The following STARD9 variants were observed in gnomAD, a reference collection of about 807,000 sequenced individuals.
STARD9 encodes the protein stAR-related lipid transfer protein 9.
In STARD9, 346 loss-of-function variants were observed where a neutral mutation model predicts 399.8. The observed-to-expected ratio is 0.87, with a 90% CI of 0.79 to 0.95. STARD9 has a LOEUF of 0.95. STARD9 is among the 40% of genes least tolerant of loss of function. STARD9 has a pLI of 0.00. For synonymous variants in STARD9, 2,203 were observed against 2,143.5 expected, an observed-to-expected ratio of 1.03 and a Z score of -0.77; for missense variants, 5,832 against 5,667.5, an observed-to-expected ratio of 1.03 and a Z score of -0.93.
intron 3 of STARD9, among the ~76,000 whole-genome samples, chr15:42,630,684 A>G (rs2059315821): frequency 6.6e-6 from 1 of 152,010 alleles, no homozygotes; most frequent in African/African-American, 2.4e-5. Flanking sequence ...GAATTTATCC[A>G]TTTCTTTCTA....
rs2059328392 is a variant in STARD9, at chr15:42,631,373, GGA to G, written c.235-3481_235-3480del. 2.6e-5 allele frequency among the ~76,000 whole-genome samples: 4 copies of G among 152,136 alleles called. No individual in the cohort carries two copies. In the South Asian group the frequency reaches 8.3e-4, roughly 32 times the overall value. On this transcript the variant is annotated intron_variant, in intron 3 of 32. Coordinates refer to ENST00000290607, the MANE Select transcript of STARD9 (RefSeq NM_020759.3). ...AAGTTGGGCAGACTGCCTGAGCTCAGGAGTTCAAGACCAGCCTGGGAAACATG... is the reference window on the plus strand; with the variant it reads ...AAGTTGGGCAGACTGCCTGAGCTCAGGTTCAAGACCAGCCTGGGAAACATG...
intron 7 of STARD9, among the ~76,000 whole-genome samples, chr15:42,640,196 A>G (rs1010451435): frequency 3.3e-5 from 5 of 152,086 alleles, no homozygotes; most frequent in African/African-American, 1.2e-4. Flanking sequence ...AGGATTATAG[A>G]TGTGAGCCAG....
intron 3 of STARD9, among the ~76,000 whole-genome samples, chr15:42,588,776 GTTTTTTTTTTTTTTTTTTTTTTT>G (rs758570571): frequency 2.0e-3 from 76 of 38,416 alleles, no homozygotes; most frequent in African/African-American, 7.8e-3. Flanking sequence ...TCTTCACAGC[GTTTTTTTTTTTTTTTTTTTTTTT>G]TTTTTTTTTT....
intron 1 of STARD9, chr15:42,581,465 G>A: frequency 6.5e-7 from 1 of 1,528,510 alleles, no homozygotes; most frequent in Non-Finnish European, 9.0e-7. Context: ...TGGGCTGGTG[G>A]CCGCTGCCAG....
chr15:42,636,407 C>A (rs1191257771), intron 4 of STARD9, among the ~76,000 whole-genome samples: 1 of 152,018 alleles, frequency 6.6e-6, no homozygotes, highest in Non-Finnish European at 1.5e-5. Flanking sequence ...ATGGTGAAAC[C>A]AAGTCTTTAC....
chr15:42,683,995 G>A (rs1243696361), intron 22 of STARD9, 121 bp from the exon 23 acceptor site: 1 of 1,096,622 alleles, frequency 9.1e-7, no homozygotes, highest in Non-Finnish European at 1.2e-6. Context: ...TACCTGGAGA[G>A]CTTTTCTCTG....
chr15:42,676,309 T>G (rs898142886), intron 20 of STARD9, among the ~76,000 whole-genome samples: 5 of 152,220 alleles, frequency 3.3e-5, no homozygotes, highest in Non-Finnish European at 7.3e-5. Flanking sequence ...ATCTTTGTTC[T>G]GAGCTTACCT....
intron 3 of STARD9, among the ~76,000 whole-genome samples, chr15:42,597,101 ATTTTG>A (rs1441997609): frequency 6.6e-6 from 1 of 151,884 alleles, no homozygotes; most frequent in Non-Finnish European, 1.5e-5. Context: ...GTGTATATAT[ATTTTG>A]TTTGTTTGAG....
At position 42,686,580 on chromosome 15, in the gene STARD9, T is replaced by TG; in HGVS notation, c.5004dup (p.Ser1669ValfsTer11). ...CACTACAGCCACCAAAGCAGACCAT[T>TG]GGTCCCAAGGCTGGGCTCCTCTCAG... On this transcript the variant is annotated frameshift_variant, in exon 23 of 33. Transcript: ENST00000290607. LOFTEE classifies it high-confidence loss of function. 6.5e-7 allele frequency: 1 copy of TG among 1,537,482 alleles called. No individual in the cohort carries two copies. The highest frequency in any genetic ancestry group is 8.7e-7 in the Non-Finnish European group (1 of 1,147,016).
intron 3 of STARD9, among the ~76,000 whole-genome samples, chr15:42,594,807 C>T (rs1420660058): frequency 6.6e-6 from 1 of 152,148 alleles, no homozygotes; most frequent in Non-Finnish European, 1.5e-5. Context: ...TTCTTTAGAT[C>T]TAACCTGTCC....
At chr15:42,604,029 G>C (rs1190368927) in intron 3 of STARD9, among the ~76,000 whole-genome samples, 1 of 152,166 alleles carries the variant, frequency 6.6e-6, no homozygotes, top group Admixed American at 6.5e-5. Flanking sequence ...GCAAGGAGGG[G>C]GTTTGTTTGG....
At chr15:42,585,046 A>G (rs188793210) in intron 2 of STARD9, among the ~76,000 whole-genome samples, 1 of 152,332 alleles carries the variant, frequency 6.6e-6, no homozygotes, top group East Asian at 1.9e-4. Flanking sequence ...AATTACCTTC[A>G]AGCTATGTTT....
chr15:42,651,015 G>A lies in STARD9; in HGVS notation c.560-1G>A, dbSNP rs774777731. The A allele has an allele frequency of 6.6e-7, 1 of 1,519,818 alleles. No homozygotes were observed. Among genetic ancestry groups the A allele is most frequent in the Non-Finnish European group, 8.8e-7 (1 of 1,135,650 alleles). 94.1% of individuals were successfully genotyped at this position (1,519,818 alleles called of 1,614,324 possible). The stretch of plus-strand genomic sequence containing the variant: ...TTTTTTCCGTTTCACAAATCCGATA[G>A]GTTTATCTCAACATGTAGTTACCAA... On this transcript the variant is annotated splice_acceptor_variant, in intron 7 of 32. Transcript: ENST00000290607. LOFTEE classifies it high-confidence loss of function.
chr15:42,677,699 A>C (rs1012518003), intron 20 of STARD9, among the ~76,000 whole-genome samples: 1 of 152,214 alleles, frequency 6.6e-6, no homozygotes, highest in Non-Finnish European at 1.5e-5. Flanking sequence ...GACCTTAGGC[A>C]AGTCAATGAA....
rs564152350 is a variant in STARD9, at chr15:42,682,413, C to T, written c.2375C>T (p.Thr792Met). The part of the protein sequence containing the change: ...LEAQKRLEKL[T>M]TLCWLQDDST... ...GCCCAGAAGAGACTGGAGAAGCTCA[C>T]GACATTGTGCTGGCTCCAGGATGAC... Residue 792 changes from threonine (T) to methionine (M), a missense_variant, in exon 22 of 33, where the codon ACG becomes ATG. This residue lies in a region of STARD9 where 5,828 missense variants were observed against 5,651.1 expected (regional missense o/e 1.03). Transcript: ENST00000290607. The T allele has an allele frequency of 8.0e-4, 1,226 of 1,537,194 alleles. 13 individuals are homozygous for T. The South Asian group carries it at 0.013, about 16-fold the overall frequency.
In STARD9 at chr15:42,690,552, C is replaced by T; in HGVS notation, c.8974C>T (p.His2992Tyr). The change falls in exon 23 of 33, where the codon CAT (histidine) becomes TAT (tyrosine). Residue 2992 changes from histidine (H) to tyrosine (Y), a missense_variant. This residue lies in a region of STARD9 where 5,828 missense variants were observed against 5,651.1 expected (regional missense o/e 1.03). Transcript: ENST00000290607. ...LGKEPFKAAP[H>Y]TIHPPCVVPS... Reference sequence around the variant, plus strand: ...GAAGGAGCCTTTCAAGGCTGCCCCACATACTATCCACCCACCCTGTGTAGT... The same window carrying T: ...GAAGGAGCCTTTCAAGGCTGCCCCATATACTATCCACCCACCCTGTGTAGT... 6.5e-7 allele frequency: 1 copy of T among 1,537,194 alleles called. No homozygotes were observed.
At position 42,662,908 on chromosome 15, in the gene STARD9, A is replaced by G. The variant is rs1447472502; in HGVS notation, c.868+17A>G. 6.7e-7 allele frequency: 1 copy of G among 1,485,988 alleles called. No individual in the cohort carries two copies. The highest frequency in any genetic ancestry group is 2.5e-5 in the East Asian group (1 of 40,634). 92.1% of individuals were successfully genotyped at this position (1,485,988 alleles called of 1,614,324 possible). ...CCACCTTAGGTATTTTCTGATAGAT[A>G]ATGGGAGTGGGAGGGAGAGTTCGGA... is the stretch of plus-strand genomic sequence containing the variant. On this transcript the variant is annotated intron_variant, in intron 11 of 32. Transcript: ENST00000290607.
chr15:42,590,431 T>C (rs2058371880), intron 3 of STARD9, among the ~76,000 whole-genome samples: 1 of 152,162 alleles, frequency 6.6e-6, no homozygotes, highest in Non-Finnish European at 1.5e-5. Context: ...TATCAAAATA[T>C]CTGAGGGAAC....
chr15:42,625,423 C>A (rs1008483962), intron 3 of STARD9, among the ~76,000 whole-genome samples: 23 of 151,758 alleles, frequency 1.5e-4, no homozygotes, highest in African/African-American at 5.6e-4. Flanking sequence ...CTCTGCCTCC[C>A]GGGCTCAAGC....
Sources: gnomAD v4.1 joint callset for allele counts (sites outside exome capture counted in the v4.1 genomes callset) on GRCh38, gnomAD v4.1.1 for gene constraint, gnomAD v4.1.1 regional missense constraint, MANE v1.5 for transcripts, NCBI Gene and HGNC (gene_info 2026-07-23, HGNC 2026-07-21) for gene names.